Variants in BSN observed in about 807,000 individuals in gnomAD.
The protein encoded by BSN is protein bassoon.
In BSN, 57 loss-of-function variants were observed where a neutral mutation model predicts 264.8. The observed-to-expected ratio is 0.22, with a 90% CI of 0.17 to 0.27. BSN has a LOEUF of 0.27. Among genes scored for constraint, BSN ranks in the 10% least tolerant of loss-of-function variants. The pLI, the probability that BSN is intolerant of heterozygous loss-of-function variation, is 1.00. For missense variants in BSN, 4,615 were observed against 5,232.5 expected (o/e 0.88, Z 3.64); for synonymous variants, 2,059 against 2,137.3 (o/e 0.96, Z 1.01).
chr3:49,664,785 T>G lies in BSN; in HGVS notation c.11741-14T>G, dbSNP rs2052699799. 8 of 1,613,940 alleles carry G rather than the reference T, an allele frequency of 5.0e-6. No individual in the cohort carries two copies. In the East Asian group the frequency reaches 1.8e-4, roughly 36 times the overall value. On this transcript the variant is annotated splice_polypyrimidine_tract_variant and intron_variant, in intron 9 of 11. Coordinates refer to ENST00000296452, the MANE Select transcript of BSN (RefSeq NM_003458.4). ...CCAATTTCCTGATGGCTCTCTCCTC[T>G]TTCTTTGTCACAGCTGTCTCTGCTT...
chr3:49,595,744 C>T (rs570058171), intron 1 of BSN, among the ~76,000 whole-genome samples: 13 of 151,954 alleles, frequency 8.6e-5, no homozygotes, highest in Admixed American at 6.6e-4. Flanking sequence ...ATTTCTTCAC[C>T]TTCATTGTTT....
intron 1 of BSN, among the ~76,000 whole-genome samples, chr3:49,568,323 G>T (rs1268196385): frequency 6.6e-6 from 1 of 152,064 alleles, no homozygotes; most frequent in Non-Finnish European, 1.5e-5. Context: ...AACAACAATG[G>T]CATATACCGT....
chr3:49,577,657 G>A (rs1398069823), intron 1 of BSN, among the ~76,000 whole-genome samples: 5 of 150,996 alleles, frequency 3.3e-5, no homozygotes, highest in East Asian at 1.9e-4. Context: ...CTCCTGCCTC[G>A]GCCTCCCAAG....
Position 49,652,877 on chromosome 3 carries a change from G to C in BSN, c.3321G>C (p.Glu1107Asp). The C allele has an allele frequency of 6.2e-7, 1 of 1,609,422 alleles. No individual in the cohort carries two copies. The highest frequency in any genetic ancestry group is 8.5e-7 in the Non-Finnish European group (1 of 1,176,950). Residue 1107 changes from glutamate to aspartate, a missense_variant, in exon 5 of 12, where the codon GAG becomes GAC. Physicochemically the swap from Glu to Asp is conservative, Grantham distance 45 (BLOSUM62 2). This residue lies in a region of BSN where 3,415 missense variants were observed against 3,866.4 expected (regional missense o/e 0.88). Transcript: ENST00000296452. Reference protein sequence around the residue: ...LSPIEDASPTEELRQAAEMEE... With the variant: ...LSPIEDASPTDELRQAAEMEE... Reference sequence around the variant, plus strand: ...CCATCGAGGATGCCTCCCCGACGGAGGAGCTGAGGCAGGCGGCCGAGATGG... The same window carrying C: ...CCATCGAGGATGCCTCCCCGACGGACGAGCTGAGGCAGGCGGCCGAGATGG...
At chr3:49,597,566 A>T (rs533782621) in intron 1 of BSN, among the ~76,000 whole-genome samples, 8 of 152,172 alleles carry the variant, frequency 5.3e-5, no homozygotes, top group Non-Finnish European at 1.0e-4. Context: ...CCTGGCCTCA[A>T]GTGATCCTCC....
rs2052725247 is a variant in BSN at position 49,668,047 on chromosome 3, G to A, written c.*562G>A. On this transcript the variant is annotated 3_prime_UTR_variant, in exon 12 of 12. Coordinates refer to ENST00000296452, the MANE Select transcript of BSN (RefSeq NM_003458.4). ...TGGCCCGGATCCCTCTGTGGCACAG[G>A]GCCCTGCCCGTCACATGCCCTCTGG... is the stretch of plus-strand genomic sequence containing the variant. The A allele has an allele frequency of 6.6e-6, 1 of 152,658 alleles. No homozygotes were observed. The highest frequency in any genetic ancestry group is 2.4e-5 in the African/African-American group (1 of 41,428). 9.5% of individuals were successfully genotyped at this position (152,658 alleles called of 1,614,324 possible).
At chr3:49,592,159 G>C (rs535995349) in intron 1 of BSN, among the ~76,000 whole-genome samples, 1 of 150,930 alleles carries the variant, frequency 6.6e-6, no homozygotes, top group African/African-American at 2.4e-5. Flanking sequence ...TCCCATGCTG[G>C]AGTGCAGTGG....
Position 49,653,217 on chromosome 3 carries a change from C to T in BSN, c.3661C>T (p.Pro1221Ser), listed in dbSNP as rs371097392. Reference sequence around the variant, plus strand: ...TGGCGGCCCCTCTCAGCCCACAGGCCCCCGGGGCCTGGGCTCCTTCGAATA... The same window carrying T: ...TGGCGGCCCCTCTCAGCCCACAGGCTCCCGGGGCCTGGGCTCCTTCGAATA... ...PHGGPSQPTGPRGLGSFEYQD... is the reference protein window; with the variant it reads ...PHGGPSQPTGSRGLGSFEYQD... The change falls in exon 5 of 12, where the codon CCC becomes TCC. Residue 1221 changes from proline (P) to serine (S), a missense_variant. Physicochemically the swap from Pro to Ser is moderately conservative, Grantham distance 74. Coordinates refer to ENST00000296452, the MANE Select transcript of BSN (RefSeq NM_003458.4). The surrounding 1 kb of genome is among the most constrained non-coding windows in gnomAD (Gnocchi z 6.3). The T allele has an allele frequency of 2.0e-5, 33 of 1,611,634 alleles. No homozygotes were observed. Among genetic ancestry groups the T allele is most frequent in the Non-Finnish European group, 2.5e-5 (30 of 1,179,608 alleles).
chr3:49,590,463 A>T (rs548766818), intron 1 of BSN, among the ~76,000 whole-genome samples: 16 of 151,736 alleles, frequency 1.1e-4, no homozygotes, highest in Non-Finnish European at 1.9e-4. Context: ...TATCTCTTCC[A>T]CTGTAATTTA....
At position 49,664,874 on chromosome 3, in the gene BSN, C is replaced by G. The variant is rs903171365; in HGVS notation, c.*14+21C>G. On this transcript the variant is annotated intron_variant, in intron 10 of 11. Coordinates refer to ENST00000296452, the MANE Select transcript of BSN (RefSeq NM_003458.4). ...GCATGGTGAGTACAAGCAGCCTGTA[C>G]CTTGCCTCTTCTGGGAAAGGCCCGA... 1.9e-6 allele frequency: 3 copies of G among 1,593,548 alleles called. No homozygotes were observed. The African/African-American group carries it at 4.0e-5, about 21-fold the overall frequency.
intron 2 of BSN, among the ~76,000 whole-genome samples, chr3:49,632,356 C>T (rs1213085228): frequency 6.6e-6 from 1 of 152,088 alleles, no homozygotes; most frequent in African/African-American, 2.4e-5. Context: ...AAATTTTTTA[C>T]ATCTAAAGGC....
At position 49,660,498 on chromosome 3, in the gene BSN, C is replaced by T; in HGVS notation, c.8653C>T (p.Pro2885Ser). ...CCCTCTGTCTCAGGTGTCGGCGTTG[C>T]CACCCAACAGCCTGGTCCGCAAGGT... is the stretch of plus-strand genomic sequence containing the variant. ...GGLGSQVSAL[P>S]PNSLVRKVKR... Residue 2885 changes from proline to serine, a missense_variant, in exon 6 of 12, where the codon CCA becomes TCA. This residue lies in a region of BSN where 3,415 missense variants were observed against 3,866.4 expected (regional missense o/e 0.88). Coordinates refer to ENST00000296452, the MANE Select transcript of BSN (RefSeq NM_003458.4). This position sits in a 1 kb window ranked among gnomAD's most constrained non-coding sequence, Gnocchi z 7.1. 2.6e-6 allele frequency: 4 copies of T among 1,531,672 alleles called. No individual in the cohort carries two copies. Among genetic ancestry groups the T allele is most frequent in the Non-Finnish European group, 3.5e-6 (4 of 1,139,806 alleles). The allele number at this position is 1,531,672 out of a possible 1,614,324, so 94.9% of individuals were successfully genotyped here.
At chr3:49,564,868 C>T (rs2051740598) in intron 1 of BSN, among the ~76,000 whole-genome samples, 1 of 152,086 alleles carries the variant, frequency 6.6e-6, no homozygotes, top group Non-Finnish European at 1.5e-5. Context: ...TTGTCCTTTC[C>T]TGGTCAGCCA....
intron 1 of BSN, among the ~76,000 whole-genome samples, chr3:49,555,404 C>A (rs2051659798): frequency 6.6e-6 from 1 of 152,058 alleles, no homozygotes; most frequent in South Asian, 2.1e-4. Flanking sequence ...TTATTTAGGC[C>A]CAACAATACT....
At chr3:49,634,478 G>T (rs990735843) in intron 2 of BSN, among the ~76,000 whole-genome samples, 8 of 152,182 alleles carry the variant, frequency 5.3e-5, no homozygotes. Flanking sequence ...GTGCAGTGAT[G>T]CAATCTTGGC....
At chr3:49,639,374 A>G (rs1396583208) in intron 2 of BSN, among the ~76,000 whole-genome samples, 1 of 151,048 alleles carries the variant, frequency 6.6e-6, no homozygotes, top group Non-Finnish European at 1.5e-5. Flanking sequence ...AATTTTTTCT[A>G]TTTTTAGTAG....
At chr3:49,664,888 G>T in intron 10 of BSN, 35 bp downstream of exon 10, 1 of 1,528,694 alleles carries the variant, frequency 6.5e-7, no homozygotes, top group South Asian at 1.1e-5. Context: ...GCCTCTTCTG[G>T]GAAAGGCCCG....
At chr3:49,645,541 G>C (rs946323240) in intron 3 of BSN, among the ~76,000 whole-genome samples, 1 of 152,124 alleles carries the variant, frequency 6.6e-6, no homozygotes, top group African/African-American at 2.4e-5. Context: ...TAGTCCTTCC[G>C]TCCTTATCCT....
At chr3:49,630,814 G>A (rs1199043327) in intron 2 of BSN, among the ~76,000 whole-genome samples, 1 of 152,192 alleles carries the variant, frequency 6.6e-6, no homozygotes, top group Admixed American at 6.5e-5. Context: ...GGAAGAAGTG[G>A]AAGAAGGCAC....
Sources: gnomAD v4.1 joint callset for allele counts (sites outside exome capture counted in the v4.1 genomes callset) on GRCh38, gnomAD v4.1.1 for gene constraint, gnomAD v4.1.1 regional missense constraint, Gnocchi (gnomAD v3.1) non-coding constraint, MANE v1.5 for transcripts, NCBI Gene and HGNC (gene_info 2026-07-23, HGNC 2026-07-21) for gene names.